The following FRMD4B variants were observed in gnomAD, a reference collection of about 807,000 sequenced individuals.
FRMD4B encodes FERM domain containing 4B.
Under a neutral mutation model 141.5 loss-of-function variants are expected in FRMD4B, and 74 were observed. The ratio of observed to expected loss-of-function variants is 0.52; its 90% confidence interval spans 0.43 to 0.63. The LOEUF is 0.63. Among genes scored for constraint, FRMD4B ranks in the 30% least tolerant of loss-of-function variants. FRMD4B has a pLI of 0.00. For missense variants in FRMD4B, 1,366 were observed against 1,253.4 expected (o/e 1.09, Z -1.36); for synonymous variants, 506 against 467.9 (o/e 1.08, Z -1.05).
chr3:69,476,584 C>T (rs1279920959), intron 1 of FRMD4B, among the ~76,000 whole-genome samples: 2 of 152,126 alleles, frequency 1.3e-5, no homozygotes, highest in Non-Finnish European at 2.9e-5. Flanking sequence ...GGTACCAGTA[C>T]CCTGCTGTTT....
At chr3:69,291,280 G>C (rs761274460) in intron 4 of FRMD4B, among the ~76,000 whole-genome samples, 32 of 152,214 alleles carry the variant, frequency 2.1e-4, no homozygotes, top group Non-Finnish European at 4.1e-4. Context: ...TTCTCTAACA[G>C]GGACTGTATT....
intron 1 of FRMD4B, chr3:69,323,127 G>A: frequency 8.2e-6 from 2 of 243,114 alleles, no homozygotes; most frequent in Non-Finnish European, 1.3e-5. Context: ...GGGAAGAGGG[G>A]AGGAATGACA....
intron 1 of FRMD4B, among the ~76,000 whole-genome samples, chr3:69,492,141 A>G (rs1298947012): frequency 6.6e-6 from 1 of 152,130 alleles, no homozygotes; most frequent in Admixed American, 6.6e-5. Flanking sequence ...TATATCTTGC[A>G]TGCTTGGGGA....
At chr3:69,255,487 G>A (rs1320129788) in intron 5 of FRMD4B, among the ~76,000 whole-genome samples, 1 of 152,156 alleles carries the variant, frequency 6.6e-6, no homozygotes, top group Non-Finnish European at 1.5e-5. Context: ...CAAGGCTGCA[G>A]TGAGCTGTGA....
intron 7 of FRMD4B, among the ~76,000 whole-genome samples, chr3:69,242,715 G>C (rs2093395031): frequency 6.7e-6 from 1 of 149,192 alleles, no homozygotes; most frequent in African/African-American, 2.5e-5. Flanking sequence ...AAAAGGCCGG[G>C]CTCGTTGCTC....
intron 1 of FRMD4B, among the ~76,000 whole-genome samples, chr3:69,531,166 A>G (rs1191645338): frequency 6.6e-6 from 1 of 152,208 alleles, no homozygotes; most frequent in African/African-American, 2.4e-5. Context: ...ATTATAATGT[A>G]TATGAATTCT....
intron 2 of FRMD4B, among the ~76,000 whole-genome samples, chr3:69,428,448 A>G (rs1020457063): frequency 6.6e-5 from 10 of 150,786 alleles, no homozygotes; most frequent in Non-Finnish European, 1.2e-4. Flanking sequence ...TTGGCTGGTA[A>G]TTTGTTGCTT....
At chr3:69,180,073 C>A (rs2092688094) in intron 21 of FRMD4B, among the ~76,000 whole-genome samples, 1 of 151,936 alleles carries the variant, frequency 6.6e-6, no homozygotes, top group Non-Finnish European at 1.5e-5. Context: ...TTAAGTCAAC[C>A]ACAACATAGG....
chr3:69,435,990 C>T (rs1325256661), intron 1 of FRMD4B, among the ~76,000 whole-genome samples: 2 of 152,124 alleles, frequency 1.3e-5, no homozygotes, highest in African/African-American at 4.8e-5. Context: ...CTTTAGATAA[C>T]AGAATCACTC....
chr3:69,315,153 A>G (rs956788253), intron 1 of FRMD4B, among the ~76,000 whole-genome samples: 33 of 152,240 alleles, frequency 2.2e-4, no homozygotes, highest in African/African-American at 7.7e-4. Context: ...AGTTAAGAAC[A>G]GTTTGATACA....
intron 1 of FRMD4B, among the ~76,000 whole-genome samples, chr3:69,457,646 G>T (rs754723351): frequency 2.0e-5 from 3 of 148,782 alleles, no homozygotes; most frequent in Non-Finnish European, 4.5e-5. Context: ...AAACAGAATG[G>T]ATGTTTTTCT....
chr3:69,258,391 G>A (rs2093505698), intron 5 of FRMD4B, among the ~76,000 whole-genome samples: 1 of 152,118 alleles, frequency 6.6e-6, no homozygotes, highest in Non-Finnish European at 1.5e-5. Flanking sequence ...GAACAAGATA[G>A]CAAAATCAAA....
chr3:69,402,868 T>C (rs1704590054), intron 2 of FRMD4B, among the ~76,000 whole-genome samples: 3 of 152,190 alleles, frequency 2.0e-5, no homozygotes, highest in African/African-American at 7.2e-5. Context: ...GATATACATA[T>C]GAAAATCACT....
Position 69,451,762 on chromosome 3 carries a change from A to G in FRMD4B, c.-128-19001T>C, listed in dbSNP as rs1705503329. 2.0e-5 allele frequency among the ~76,000 whole-genome samples: 3 copies of G among 152,294 alleles called. No homozygotes were observed. In the South Asian group the frequency reaches 6.2e-4, roughly 32 times the overall value. ...TTCAGATCACTTCCATAATGAAAAA[A>G]TTATGCCAAGATAATTTAAAAAAAC... On this transcript the variant is annotated intron_variant, in intron 1 of 5. Coordinates refer to the FRMD4B transcript ENST00000459638.
intron 1 of FRMD4B, among the ~76,000 whole-genome samples, chr3:69,518,555 T>C (rs1470928214): frequency 6.6e-6 from 1 of 152,176 alleles, no homozygotes; most frequent in Non-Finnish European, 1.5e-5. Flanking sequence ...ATTTCTACTA[T>C]CCTTTTCTTA....
At chr3:69,265,267 AAAATATATATATATATATATATATATAT>A (rs1308556157) in intron 5 of FRMD4B, among the ~76,000 whole-genome samples, 1 of 23,712 alleles carries the variant, frequency 4.2e-5, no homozygotes, top group Admixed American at 5.4e-4. Context: ...AAAAAAAAAA[AAAATATATATATATATATATATATATAT>A]ATATATATAT....
At chr3:69,218,290 T>C (rs371976559) in intron 10 of FRMD4B, 32 bp downstream of exon 10, 262 of 1,139,396 alleles carry the variant, frequency 2.3e-4, no homozygotes, top group Middle Eastern at 8.1e-4. Context: ...CTCTCAATCA[T>C]CACGAAAGCT....
chr3:69,498,344 G>A (rs1435275855), intron 1 of FRMD4B, among the ~76,000 whole-genome samples: 1 of 152,180 alleles, frequency 6.6e-6, no homozygotes, highest in African/African-American at 2.4e-5. Flanking sequence ...GGGATTTTAT[G>A]ACAAGAATAT....
At chr3:69,306,008 A>G (rs1206779880) in intron 3 of FRMD4B, among the ~76,000 whole-genome samples, 15 of 152,208 alleles carry the variant, frequency 9.9e-5, no homozygotes, top group Admixed American at 7.9e-4. Flanking sequence ...ATCAAAAGGG[A>G]CTGGACTCAA....
Sources: gnomAD v4.1 joint callset for allele counts (sites outside exome capture counted in the v4.1 genomes callset) on GRCh38, gnomAD v4.1.1 for gene constraint, MANE v1.5 for transcripts, NCBI Gene and HGNC (gene_info 2026-07-23, HGNC 2026-07-21) for gene names.